The following CLCN2 variants were observed in gnomAD, a reference collection of about 807,000 sequenced individuals.
CLCN2 encodes the protein chloride channel protein 2.
Under a neutral mutation model 108.3 loss-of-function variants are expected in CLCN2, and 72 were observed. The ratio of observed to expected loss-of-function variants is 0.66; its 90% CI spans 0.55 to 0.81. CLCN2 has a LOEUF of 0.81. Among genes scored for constraint, CLCN2 ranks in the 30% least tolerant of loss-of-function variants. CLCN2 has a pLI of 0.00. For missense variants in CLCN2, 1,048 were observed against 1,205.2 expected (o/e 0.87, Z 1.93); for synonymous variants, 471 against 467.1 (o/e 1.01, Z -0.11).
In CLCN2 at chr3:184,355,804, C is replaced by T. The variant is rs373794124; in HGVS notation, c.1086-26G>A. 157 of 1,606,686 alleles carry T rather than the reference C, an allele frequency of 9.8e-5. No individual in the cohort carries two copies. The highest frequency in any genetic ancestry group is 1.2e-4 in the Non-Finnish European group (136 of 1,174,210). On this transcript the variant is annotated intron_variant, in intron 10 of 23. Transcript: ENST00000265593. This position sits in a 1 kb window ranked among gnomAD's most constrained non-coding sequence, Gnocchi z 6.3. ...CTAGAGTCGTAGGTTTCACATCAGT[C>T]GTGGGTGGCCAAGGGCTGGGTGGCC...
chr3:184,353,647 C>T lies in CLCN2; in HGVS notation c.1855+15G>A, dbSNP rs746208597. ...GGGCAATGCCCCTAGCACCTGGGAC[C>T]CCTCCTGGCCTCACCAGGGGACTCC... On this transcript the variant is annotated intron_variant, in intron 16 of 23. Transcript: ENST00000265593. 2 of 1,611,778 alleles carry T rather than the reference C, an allele frequency of 1.2e-6. No individual in the cohort carries two copies. Among genetic ancestry groups the T allele is most frequent in the Non-Finnish European group, 8.5e-7 (1 of 1,179,804 alleles).
chr3:184,353,049 G>A lies in CLCN2; in HGVS notation c.2127C>T (p.Leu709=), dbSNP rs375937978. 18 of 1,613,978 alleles carry A rather than the reference G, an allele frequency of 1.1e-5. No homozygotes were observed. Among genetic ancestry groups the A allele is most frequent in the African/African-American group, 4.0e-5 (3 of 74,938 alleles). Reference sequence around the variant, plus strand: ...TGGGCTTACCTGTGGGACTCTCTCCGAGGTTCCTGGTGACACTGGGCCCCC... The same window carrying A: ...TGGGCTTACCTGTGGGACTCTCTCCAAGGTTCCTGGTGACACTGGGCCCCC... ...LKRGPSVTRN[L]GESPTGSAES... Residue 709 remains leucine (L), a synonymous_variant, in exon 18 of 24, where the codon CTC becomes CTT. Coordinates refer to ENST00000265593, the MANE Select transcript of CLCN2 (RefSeq NM_004366.6).
At position 184,354,219 on chromosome 3, in the gene CLCN2, T is replaced by C. The variant is rs1313875037; in HGVS notation, c.1603A>G (p.Met535Val). ...GCGTTGGCCAGGATGACGGCGATCATGACAGGCAGGATGTGGGCAATCTGG... is the reference window on the plus strand; with the variant it reads ...GCGTTGGCCAGGATGACGGCGATCACGACAGGCAGGATGTGGGCAATCTGG... ...TGQIAHILPVMIAVILANAVA... is the reference protein window; with the variant it reads ...TGQIAHILPVVIAVILANAVA... Residue 535 changes from methionine (M) to valine (V), a missense_variant, in exon 15 of 24, where the codon ATG (methionine) becomes GTG (valine). By Grantham distance (21) the Met-to-Val change is conservative. Transcript: ENST00000265593. 1 of 1,613,346 alleles carries C rather than the reference T, an allele frequency of 6.2e-7. No homozygotes were observed. Among genetic ancestry groups the C allele is most frequent in the Non-Finnish European group, 8.5e-7 (1 of 1,179,934 alleles).
At chr3:184,348,904 T>A (rs1280424881) in intron 22 of CLCN2, 1 of 152,260 alleles carries the variant, frequency 6.6e-6, no homozygotes, top group East Asian at 1.9e-4. Context: ...TCACTAAGAC[T>A]GGGGCTGCAA....
At position 184,352,488 on chromosome 3, in the gene CLCN2, T is replaced by C; in HGVS notation, c.2226A>G (p.Glu742=). 1.2e-6 allele frequency: 2 copies of C among 1,613,074 alleles called. No homozygotes were observed. The highest frequency in any genetic ancestry group is 1.7e-6 in the Non-Finnish European group (2 of 1,179,876). The part of the protein sequence containing the change: ...PPPEAASEKL[E]SCEKRKLKRV... Reference sequence around the variant, plus strand: ...GCTTCAGCTTGCGCTTCTCACAGGATTCCAACTTCTTCAGTTTTGTTAGAG... The same window carrying C: ...GCTTCAGCTTGCGCTTCTCACAGGACTCCAACTTCTTCAGTTTTGTTAGAG... Residue 742 remains glutamate, a synonymous_variant, in exon 20 of 24, where the codon GAA becomes GAG. Transcript: ENST00000265593.
chr3:184,353,881 T>C, intron 15 of CLCN2, 86 bp from the exon 16 acceptor site: 1 of 1,554,420 alleles, frequency 6.4e-7, no homozygotes, highest in Non-Finnish European at 8.7e-7. Flanking sequence ...CAAGGAGGGC[T>C]CCAGAGCCCA....
intron 1 of CLCN2, among the ~76,000 whole-genome samples, chr3:184,360,632 T>C (rs1385337746): frequency 1.3e-5 from 2 of 152,120 alleles, no homozygotes; most frequent in East Asian, 3.9e-4. Context: ...CACGGGCCCC[T>C]TCCTTTCCCT....
At position 184,346,235 on chromosome 3, in the gene CLCN2, T is replaced by G; in HGVS notation, c.*371A>C. ...TGTTTATTTTGTTCTATTTAAGAAT[T>G]TGTTTTATTAAATTAATATAAAAAT... On this transcript the variant is annotated 3_prime_UTR_variant, in exon 24 of 24. Coordinates refer to ENST00000265593, the MANE Select transcript of CLCN2 (RefSeq NM_004366.6). This position sits in a 1 kb window ranked among gnomAD's most constrained non-coding sequence, Gnocchi z 6.0. The G allele has an allele frequency of 3.8e-6, 1 of 263,076 alleles. No homozygotes were observed. The highest frequency in any genetic ancestry group is 5.3e-5 in the South Asian group (1 of 18,954). The allele number at this position is 263,076 out of a possible 1,614,324, so 16.3% of individuals were successfully genotyped here. A position where few individuals can be genotyped will look rare whatever the true frequency, so the allele number is the denominator to read the frequency against.
Position 184,355,482 on chromosome 3 carries a change from C to G in CLCN2, c.1218G>C (p.Trp406Cys), listed in dbSNP as rs759521929. 1 of 1,614,032 alleles carries G rather than the reference C, an allele frequency of 6.2e-7. No homozygotes were observed. The highest frequency in any genetic ancestry group is 1.1e-5 in the South Asian group (1 of 91,072). The change falls in exon 12 of 24, where the codon TGG becomes TGC. Residue 406 changes from tryptophan (W) to cysteine (C), a missense_variant. Physicochemically the swap from Trp to Cys is radical, Grantham distance 215 (BLOSUM62 -2). Transcript: ENST00000265593. This position sits in a 1 kb window ranked among gnomAD's most constrained non-coding sequence, Gnocchi z 6.3. The part of the protein sequence containing the change: ...TLVTLFDNRT[W>C]VRQGLVEELE... ...GCTCCTCCACCAGGCCCTGGCGGAC[C>G]CACGTCCGATTGTCAAACAGGGTGA...
Position 184,354,623 on chromosome 3 carries a change from C to A in CLCN2, c.1432G>T (p.Ala478Ser). Residue 478 changes from alanine (A) to serine (S), a missense_variant, in exon 14 of 24, where the codon GCT becomes TCT. Coordinates refer to ENST00000265593, the MANE Select transcript of CLCN2 (RefSeq NM_004366.6). ...AFGRLVGESM[A>S]AWFPDGIHTD... ...TGAATTCCATCTGGGAACCAGGCAGCCATGCTTTCACCCACCAGACGCCCA... is the reference window on the plus strand; with the variant it reads ...TGAATTCCATCTGGGAACCAGGCAGACATGCTTTCACCCACCAGACGCCCA... 1.2e-6 allele frequency: 2 copies of A among 1,612,294 alleles called. No homozygotes were observed. Among genetic ancestry groups the A allele is most frequent in the East Asian group, 4.5e-5 (2 of 44,788 alleles).
chr3:184,352,014 T>C lies in CLCN2; in HGVS notation c.2414A>G (p.Lys805Arg). 1 of 1,612,232 alleles carries C rather than the reference T, an allele frequency of 6.2e-7. No individual in the cohort carries two copies. Among genetic ancestry groups the C allele is most frequent in the Non-Finnish European group, 8.5e-7 (1 of 1,178,816 alleles). The change falls in exon 22 of 24, where the codon AAG becomes AGG. Residue 805 changes from lysine to arginine, a missense_variant and splice_region_variant. Coordinates refer to ENST00000265593, the MANE Select transcript of CLCN2 (RefSeq NM_004366.6). Reference protein sequence around the residue: ...FQLVERTSLHKTHTIFSLLGV... With the variant: ...FQLVERTSLHRTHTIFSLLGV... ...CCTGGGCCAGGCTGCTGGCCCTACCTTGTGCAAAGAGGTCCGCTCCACCAG... is the reference window on the plus strand; with the variant it reads ...CCTGGGCCAGGCTGCTGGCCCTACCCTGTGCAAAGAGGTCCGCTCCACCAG...
At chr3:184,360,582 C>G (rs192832220) in intron 1 of CLCN2, among the ~76,000 whole-genome samples, 1 of 152,166 alleles carries the variant, frequency 6.6e-6, no homozygotes, top group East Asian at 1.9e-4. Flanking sequence ...TCCCTGCCAC[C>G]TTCCTGGGCA....
At position 184,355,616 on chromosome 3, in the gene CLCN2, C is replaced by T. The variant is rs1728490337; in HGVS notation, c.1170+78G>A. ...ATCCCACGGGGAACAAGGGGTCCCA[C>T]AGTCACACTGGGGCTGTTGGCTTTG... On this transcript the variant is annotated intron_variant, in intron 11 of 23. Transcript: ENST00000265593. The surrounding 1 kb of genome is among the most constrained non-coding windows in gnomAD (Gnocchi z 6.3). 1 of 1,600,772 alleles carries T rather than the reference C, an allele frequency of 6.2e-7. No individual in the cohort carries two copies. Among genetic ancestry groups the T allele is most frequent in the African/African-American group, 1.3e-5 (1 of 74,670 alleles).
At chr3:184,353,516 G>A (rs865941139) in intron 16 of CLCN2, 94 bp from the exon 17 acceptor site, 1 of 1,542,296 alleles carries the variant, frequency 6.5e-7, no homozygotes, top group African/African-American at 1.4e-5. Context: ...TTGCATGCAG[G>A]CCACACACCA....
In CLCN2 at chr3:184,361,525, C is replaced by T; in HGVS notation, c.-46G>A. 6.3e-7 allele frequency: 1 copy of T among 1,598,718 alleles called. No homozygotes were observed. Among genetic ancestry groups the T allele is most frequent in the Non-Finnish European group, 8.5e-7 (1 of 1,175,802 alleles). On this transcript the variant is annotated 5_prime_UTR_variant, in exon 1 of 24. Coordinates refer to ENST00000265593, the MANE Select transcript of CLCN2 (RefSeq NM_004366.6). This position sits in a 1 kb window ranked among gnomAD's most constrained non-coding sequence, Gnocchi z 6.6. ...CCTCCCTCGGCGGTTCCGGCTCTGT[C>T]CTGGACTCGGCTCCCGGCCCGCAAA...
rs971721579 is a variant in CLCN2 at position 184,346,362 on chromosome 3, C to T, written c.*244G>A. The T allele has an allele frequency of 6.7e-5, 39 of 580,270 alleles. No individual in the cohort carries two copies. The highest frequency in any genetic ancestry group is 1.2e-4 in the Non-Finnish European group (39 of 322,568). The allele number at this position is 580,270 out of a possible 1,614,324, so 35.9% of individuals were successfully genotyped here. A position where few individuals can be genotyped will look rare whatever the true frequency, so the allele number is the denominator to read the frequency against. ...CAAAGGGGGAGCAGGGGTCAAGTGA[C>T]CCCAACCCATCCTGCCAGGGCAGGG... is the stretch of plus-strand genomic sequence containing the variant. On this transcript the variant is annotated 3_prime_UTR_variant, in exon 24 of 24. Coordinates refer to ENST00000265593, the MANE Select transcript of CLCN2 (RefSeq NM_004366.6). This position sits in a 1 kb window ranked among gnomAD's most constrained non-coding sequence, Gnocchi z 6.0.
At chr3:184,352,716 G>A (rs1728206264) in intron 19 of CLCN2, 21 bp downstream of exon 19, 1 of 1,612,042 alleles carries the variant, frequency 6.2e-7, no homozygotes, top group Admixed American at 1.7e-5. Flanking sequence ...CAAGCTAGGA[G>A]GACAGGCTCC....
Position 184,355,724 on chromosome 3 carries a change from G to C in CLCN2, c.1140C>G (p.Pro380=), listed in dbSNP as rs575981779. 4 of 1,614,212 alleles carry C rather than the reference G, an allele frequency of 2.5e-6. No homozygotes were observed. Among genetic ancestry groups the C allele is most frequent in the Non-Finnish European group, 3.4e-6 (4 of 1,180,046 alleles). ...VTLLISTLTF[P]PGFGQFMAGQ... ...CAGCCATGAACTGTCCAAAGCCAGG[G>C]GGGAAGGTCAGCGTGGAGATGAGCA... The change falls in exon 11 of 24, where the codon CCC becomes CCG. Residue 380 remains proline, a synonymous_variant. Transcript: ENST00000265593. This position sits in a 1 kb window ranked among gnomAD's most constrained non-coding sequence, Gnocchi z 6.3.
rs1434499801 is a variant in CLCN2 at position 184,353,234 on chromosome 3, T to C, written c.2028+16A>G. ...CACAATGACATTTAGGAAGCGTTTGTGGCTTTTCCCCTCACCTGGAAGCAG... is the reference window on the plus strand; with the variant it reads ...CACAATGACATTTAGGAAGCGTTTGCGGCTTTTCCCCTCACCTGGAAGCAG... On this transcript the variant is annotated intron_variant, in intron 17 of 23. Transcript: ENST00000265593. 2.5e-6 allele frequency: 4 copies of C among 1,613,978 alleles called. No homozygotes were observed. Among genetic ancestry groups the C allele is most frequent in the Non-Finnish European group, 8.5e-7 (1 of 1,179,886 alleles).
Sources: allele counts gnomAD v4.1 joint callset (sites outside exome capture counted in the v4.1 genomes callset), GRCh38; gene constraint gnomAD v4.1.1; non-coding constraint Gnocchi (gnomAD v3.1); transcripts MANE v1.5; gene names NCBI Gene and HGNC (gene_info 2026-07-23, HGNC 2026-07-21).